Variants in TEKT5 observed in about 807,000 individuals in gnomAD.
TEKT5 encodes the protein tektin 5.
TEKT5 carries 52 observed loss-of-function variants against 48.7 expected under a neutral mutation model. The ratio of observed to expected loss-of-function variants is 1.07; its 90% CI spans 0.86 to 1.35. TEKT5 has a LOEUF of 1.35. TEKT5 is among the 40% of genes most tolerant of loss of function. The pLI, the probability that TEKT5 is intolerant of heterozygous loss-of-function variation, is 0.00. For synonymous variants in TEKT5, 318 were observed against 267.6 expected (o/e 1.19, Z -1.84); for missense variants, 831 against 641.6 (o/e 1.30, Z -3.19).
In TEKT5 at chr16:10,681,993, G is replaced by C. The variant is rs778299095; in HGVS notation, c.863C>G (p.Thr288Arg). The C allele has an allele frequency of 6.2e-7, 1 of 1,613,660 alleles. No individual in the cohort carries two copies. The highest frequency in any genetic ancestry group is 8.5e-7 in the Non-Finnish European group (1 of 1,179,780). The change falls in exon 4 of 7, where the codon ACG becomes AGG. Residue 288 changes from threonine to arginine, a missense_variant and splice_region_variant. Transcript: ENST00000283025. ...FFHGMEKIDG[T>R]ISVPETWAKF... Reference sequence around the variant, plus strand: ...TGGGGAGGGGGAGTCTGATACTTACGTGCCGTCAATTTTCTCCATGCCGTG... The same window carrying C: ...TGGGGAGGGGGAGTCTGATACTTACCTGCCGTCAATTTTCTCCATGCCGTG...
At chr16:10,675,494 C>G (rs916038176) in intron 5 of TEKT5, among the ~76,000 whole-genome samples, 1 of 152,136 alleles carries the variant, frequency 6.6e-6, no homozygotes, top group African/African-American at 2.4e-5. Context: ...CTCCTCAGAT[C>G]CAAAAAGCAC....
chr16:10,689,578 G>T lies in TEKT5; in HGVS notation c.649-255C>A, dbSNP rs1898929684. Among the ~76,000 whole-genome samples the T allele has an allele frequency of 5.3e-5, 6 of 114,170 alleles. No homozygotes were observed. In the South Asian group the frequency reaches 1.7e-3, roughly 32 times the overall value. The allele number at this position is 114,170 out of a possible 152,430, so 74.9% of individuals were successfully genotyped here. ...CTTTTTATAGACTCCCAGAATAAAA[G>T]AAAATTTAGCACCTACCATGTGCCA... On this transcript the variant is annotated intron_variant, in intron 2 of 6. Transcript: ENST00000283025.
chr16:10,689,950 G>T lies in TEKT5; in HGVS notation c.640C>A (p.Leu214Ile), dbSNP rs1341763057. Residue 214 changes from leucine (L) to isoleucine (I), a missense_variant, in exon 2 of 7, where the codon CTT becomes ATT. Physicochemically the swap from Leu to Ile is conservative, Grantham distance 5. Coordinates refer to ENST00000283025, the MANE Select transcript of TEKT5 (RefSeq NM_144674.2). ...DLVHDNVEKN[L>I]IREVDLLKCC... ...ACCAGGAGATGCCTTACCCGGATAA[G>T]GTTTTTCTCCACGTTGTCATGGACC... The T allele has an allele frequency of 1.2e-6, 2 of 1,613,818 alleles. No individual in the cohort carries two copies. The highest frequency in any genetic ancestry group is 1.7e-6 in the Non-Finnish European group (2 of 1,179,992).
At chr16:10,667,448 G>A (rs1433569194) in intron 5 of TEKT5, among the ~76,000 whole-genome samples, 1 of 152,178 alleles carries the variant, frequency 6.6e-6, no homozygotes, top group African/African-American at 2.4e-5. Flanking sequence ...CAAACAATGA[G>A]CAGTAACCAA....
chr16:10,635,629 T>C (rs1331544611), intron 6 of TEKT5, 135 bp downstream of exon 6: 3 of 1,342,186 alleles, frequency 2.2e-6, no homozygotes, highest in Non-Finnish European at 3.1e-6. Flanking sequence ...CTCTACTGAG[T>C]TGTGGGACTG....
At chr16:10,652,038 G>A (rs140302551) in intron 5 of TEKT5, among the ~76,000 whole-genome samples, 1 of 152,280 alleles carries the variant, frequency 6.6e-6, no homozygotes, top group East Asian at 1.9e-4. Context: ...TCCAAGCTGG[G>A]GGGCCTTGGG....
chr16:10,694,466 G>A lies in TEKT5; in HGVS notation c.408C>T (p.Gly136=), dbSNP rs1490251024. Residue 136 remains glycine (G), a synonymous_variant, in exon 1 of 7, where the codon GGC becomes GGT. Coordinates refer to ENST00000283025, the MANE Select transcript of TEKT5 (RefSeq NM_144674.2). The part of the protein sequence containing the change: ...KDQLTHQMQE[G]TCRNLGQRLS... ...GCCTCTGGCCCAGGTTCCGGCAGGTGCCCTCCTGCATCTGGTGCGTCAGCT... is the reference window on the plus strand; with the variant it reads ...GCCTCTGGCCCAGGTTCCGGCAGGTACCCTCCTGCATCTGGTGCGTCAGCT... The A allele has an allele frequency of 1.2e-6, 2 of 1,614,100 alleles. No individual in the cohort carries two copies. The highest frequency in any genetic ancestry group is 1.7e-6 in the Non-Finnish European group (2 of 1,180,032).
chr16:10,669,667 T>C (rs776197939), intron 5 of TEKT5, among the ~76,000 whole-genome samples: 4 of 152,186 alleles, frequency 2.6e-5, no homozygotes, highest in East Asian at 1.9e-4. Context: ...ACTTTCTCCA[T>C]AGAAGTATCC....
chr16:10,654,396 T>C (rs953481162), intron 5 of TEKT5, among the ~76,000 whole-genome samples: 4 of 152,162 alleles, frequency 2.6e-5, no homozygotes, highest in African/African-American at 9.7e-5. Context: ...ACTGGGTTAA[T>C]TGTATATGTT....
chr16:10,679,637 G>A (rs1284643702), intron 4 of TEKT5, among the ~76,000 whole-genome samples: 2 of 152,090 alleles, frequency 1.3e-5, no homozygotes, highest in Admixed American at 6.6e-5. Context: ...GCTCACACCT[G>A]TAATCCCAGA....
At chr16:10,683,670 A>T (rs554249955) in intron 3 of TEKT5, among the ~76,000 whole-genome samples, 308 of 152,294 alleles carry the variant, frequency 2.0e-3, no homozygotes, top group Non-Finnish European at 3.2e-3. Context: ...AGCTCACTGC[A>T]ACTTCCGCCT....
intron 5 of TEKT5, among the ~76,000 whole-genome samples, chr16:10,666,830 G>A (rs1898466960): frequency 6.6e-6 from 1 of 152,176 alleles, no homozygotes; most frequent in African/African-American, 2.4e-5. Context: ...TTTGAATACT[G>A]ATGCGGGTGT....
rs768276753 is a variant in TEKT5, at chr16:10,635,922, C to T, written c.1087-4G>A. On this transcript the variant is annotated splice_region_variant and splice_polypyrimidine_tract_variant and intron_variant, in intron 5 of 6. Coordinates refer to ENST00000283025, the MANE Select transcript of TEKT5 (RefSeq NM_144674.2). ...CCTGGAAGATCTCCTGCAGCGTCTG[C>T]GAGGGAACACACAGGTGTCACCACC... 7.4e-6 allele frequency: 12 copies of T among 1,613,022 alleles called. No homozygotes were observed. In the African/African-American group the frequency reaches 9.3e-5, roughly 13 times the overall value.
At chr16:10,638,354 C>A (rs1056413425) in intron 5 of TEKT5, among the ~76,000 whole-genome samples, 1 of 152,212 alleles carries the variant, frequency 6.6e-6, no homozygotes, top group African/African-American at 2.4e-5. Flanking sequence ...TGGCCCTTGA[C>A]CTGTGAGCAG....
In TEKT5 at chr16:10,678,340, GCCCACCTCAGCCT is replaced by G. The variant is rs1281171841; in HGVS notation, c.864-2172_864-2160del. Among the ~76,000 whole-genome samples the G allele has an allele frequency of 2.0e-5, 3 of 151,996 alleles. No individual in the cohort carries two copies. In the East Asian group the frequency reaches 5.8e-4, roughly 29 times the overall value. On this transcript the variant is annotated intron_variant, in intron 4 of 6. Coordinates refer to ENST00000283025, the MANE Select transcript of TEKT5 (RefSeq NM_144674.2). ...TCTGGATCTCTTGACGTCGTGATTC[GCCCACCTCAGCCT>G]CCCAAAGTGCTGGAATTACGGGTCT...
chr16:10,659,773 ACG>A (rs1315568555), intron 5 of TEKT5, among the ~76,000 whole-genome samples: 1 of 152,222 alleles, frequency 6.6e-6, no homozygotes, highest in African/African-American at 2.4e-5. Flanking sequence ...TATTAGTGTT[ACG>A]ATAGCTTAAA....
At chr16:10,691,935 G>A (rs1382808587) in intron 1 of TEKT5, among the ~76,000 whole-genome samples, 5 of 140,112 alleles carry the variant, frequency 3.6e-5, no homozygotes, top group African/African-American at 5.3e-5. Context: ...GCAACAGAGC[G>A]AGAGTCCATC....
At chr16:10,670,099 G>A (rs1448377727) in intron 5 of TEKT5, among the ~76,000 whole-genome samples, 1 of 151,908 alleles carries the variant, frequency 6.6e-6, no homozygotes, top group African/African-American at 2.4e-5. Flanking sequence ...GGTCTTACAA[G>A]GTGGATTCCT....
At chr16:10,629,473 A>G (rs1897805231) in intron 6 of TEKT5, among the ~76,000 whole-genome samples, 1 of 151,856 alleles carries the variant, frequency 6.6e-6, no homozygotes, top group South Asian at 2.1e-4. Context: ...CTGGTCTCGA[A>G]CTCCTAAGCT....
Sources: gnomAD v4.1 joint callset for allele counts (sites outside exome capture counted in the v4.1 genomes callset) on GRCh38, gnomAD v4.1.1 for gene constraint, MANE v1.5 for transcripts, NCBI Gene and HGNC (gene_info 2026-07-23, HGNC 2026-07-21) for gene names.